Variants in INPP5A observed in about 807,000 individuals in gnomAD.
INPP5A encodes 43 kDa inositol polyphosphate 5-phophatase.
INPP5A carries 14 observed loss-of-function variants against 65.2 expected under a neutral mutation model. That is an observed-to-expected ratio of 0.21 (90% CI 0.14 to 0.34). INPP5A has a LOEUF of 0.34. Among genes scored for constraint, INPP5A ranks in the 10% least tolerant of loss-of-function variants. The pLI is 1.00. For synonymous variants in INPP5A, 207 were observed against 208.3 expected, an observed-to-expected ratio of 0.99 and a Z score of 0.05; for missense variants, 431 against 545.6, an observed-to-expected ratio of 0.79 and a Z score of 2.09.
chr10:132,563,062 GC>G (rs1409903604), intron 1 of INPP5A, among the ~76,000 whole-genome samples: 2 of 152,224 alleles, frequency 1.3e-5, no homozygotes, highest in African/African-American at 4.8e-5. Context: ...GAGGTGCCAT[GC>G]CCCCGCCCAG....
At chr10:132,619,907 C>T (rs1454606364) in intron 2 of INPP5A, among the ~76,000 whole-genome samples, 9 of 152,236 alleles carry the variant, frequency 5.9e-5, no homozygotes, top group Admixed American at 2.0e-4. Context: ...GATTCACCCA[C>T]CTCAGGTGCT....
At chr10:132,722,203 A>G (rs1845897468) in intron 8 of INPP5A, among the ~76,000 whole-genome samples, 2 of 152,242 alleles carry the variant, frequency 1.3e-5, no homozygotes, top group Admixed American at 6.5e-5. Flanking sequence ...ACCAACTTTA[A>G]TAGATTCCCA....
intron 5 of INPP5A, among the ~76,000 whole-genome samples, chr10:132,692,553 T>G (rs1446739623): frequency 6.6e-6 from 1 of 152,182 alleles, no homozygotes; most frequent in Admixed American, 6.5e-5. Context: ...TCCAGGAGAT[T>G]CCTTATAGGC....
Position 132,588,405 on chromosome 10 carries a change from C to T in INPP5A, c.76-19510C>T, listed in dbSNP as rs59900941. The stretch of plus-strand genomic sequence containing the variant: ...GCCTTCCTCCTGCACCGCCTGGACA[C>T]AGTTTGTGCTTCTCATTTGGTGGAA... On this transcript the variant is annotated intron_variant, in intron 1 of 15. Coordinates refer to ENST00000368594, the MANE Select transcript of INPP5A (RefSeq NM_005539.5). Among the ~76,000 whole-genome samples, 283 of 152,368 alleles carry T rather than the reference C, an allele frequency of 1.9e-3. 4 individuals are homozygous for T. The East Asian group carries it at 0.026, about 14-fold the overall frequency.
chr10:132,708,289 T>G lies in INPP5A; in HGVS notation c.475-24T>G, dbSNP rs779617346. The G allele has an allele frequency of 1.4e-5, 23 of 1,613,288 alleles. 2 individuals are homozygous for G. The South Asian group carries it at 2.4e-4, about 17-fold the overall frequency. Reference sequence around the variant, plus strand: ...CTCTTGCTCACTTACTCTGGCTCATTTGTGTGACGTGTTTATTTTTCAGTG... The same window carrying G: ...CTCTTGCTCACTTACTCTGGCTCATGTGTGTGACGTGTTTATTTTTCAGTG... On this transcript the variant is annotated intron_variant, in intron 6 of 15. Coordinates refer to ENST00000368594, the MANE Select transcript of INPP5A (RefSeq NM_005539.5).
At chr10:132,740,302 C>T (rs1025446489) in intron 9 of INPP5A, among the ~76,000 whole-genome samples, 21 of 152,156 alleles carry the variant, frequency 1.4e-4, no homozygotes, top group African/African-American at 4.8e-4. Context: ...TGAACTGTAA[C>T]GGAATTACCC....
chr10:132,769,786 C>A (rs1244176911), intron 12 of INPP5A, among the ~76,000 whole-genome samples: 2 of 148,644 alleles, frequency 1.3e-5, no homozygotes, highest in Non-Finnish European at 3.0e-5. Flanking sequence ...GCCCTGCAGC[C>A]CCCACCCCGT....
At chr10:132,700,068 G>T (rs886279684) in intron 6 of INPP5A, among the ~76,000 whole-genome samples, 4 of 152,176 alleles carry the variant, frequency 2.6e-5, no homozygotes, top group African/African-American at 9.7e-5. Flanking sequence ...ACGAGGGGCC[G>T]CCCCTCCCCC....
intron 1 of INPP5A, among the ~76,000 whole-genome samples, chr10:132,596,848 CGTGT>C (rs869235152): frequency 7.6e-6 from 1 of 132,026 alleles, no homozygotes; most frequent in African/African-American, 2.6e-5. Flanking sequence ...TGTGTGCATG[CGTGT>C]GTGTGCATGT....
chr10:132,568,960 G>A (rs2133281010), intron 1 of INPP5A, among the ~76,000 whole-genome samples: 1 of 140,718 alleles, frequency 7.1e-6, no homozygotes, highest in African/African-American at 2.7e-5. Flanking sequence ...CGGTCACCCA[G>A]GCTGGAGTGC....
chr10:132,746,376 G>T (rs1846371939), intron 9 of INPP5A, among the ~76,000 whole-genome samples: 1 of 152,222 alleles, frequency 6.6e-6, no homozygotes, highest in Non-Finnish European at 1.5e-5. Flanking sequence ...ACAGTTGAGG[G>T]GGTGATGGGA....
intron 1 of INPP5A, among the ~76,000 whole-genome samples, chr10:132,548,663 C>T (rs2071010114): frequency 6.6e-6 from 1 of 152,224 alleles, no homozygotes; most frequent in South Asian, 2.1e-4. Context: ...CCAGTTTCGC[C>T]TGCGCCGAGG....
At chr10:132,629,208 T>G (rs10735667) in intron 2 of INPP5A, among the ~76,000 whole-genome samples, 136,868 of 152,204 alleles carry the variant, frequency 0.9, 61,603 homozygotes, top group East Asian at 1. Context: ...CTACCTGGTG[T>G]TATACAGCAG....
At chr10:132,628,489 G>A (rs2072223996) in intron 2 of INPP5A, among the ~76,000 whole-genome samples, 1 of 151,362 alleles carries the variant, frequency 6.6e-6, no homozygotes, top group African/African-American at 2.4e-5. Context: ...CGTGGCGTGG[G>A]GGACACGTAG....
Position 132,749,583 on chromosome 10 carries a change from A to T in INPP5A, c.799A>T (p.Ile267Leu). 1 of 1,613,000 alleles carries T rather than the reference A, an allele frequency of 6.2e-7. No individual in the cohort carries two copies. The change falls in exon 10 of 16, where the codon ATA becomes TTA. Residue 267 changes from isoleucine (I) to leucine (L), a missense_variant. Physicochemically the swap from Ile to Leu is conservative, Grantham distance 5 (BLOSUM62 2). Transcript: ENST00000368594. ...AADTNEVVKL[I>L]FRESDNDRKV... The stretch of plus-strand genomic sequence containing the variant: ...CGACACCAATGAAGTGGTGAAGCTC[A>T]TATTTCGTGAGTCGGACAACGACCG...
At chr10:132,656,719 C>A (rs1293197753) in intron 4 of INPP5A, among the ~76,000 whole-genome samples, 1 of 152,218 alleles carries the variant, frequency 6.6e-6, no homozygotes, top group African/African-American at 2.4e-5. Context: ...GCAGGGTTGC[C>A]CCGGGCTCCT....
rs2072765196 is a variant in INPP5A, at chr10:132,663,649, C to CG, written c.306+13144_306+13145insG. On this transcript the variant is annotated intron_variant, in intron 4 of 15. Coordinates refer to ENST00000368594, the MANE Select transcript of INPP5A (RefSeq NM_005539.5). This position sits in a 1 kb window ranked among gnomAD's most constrained non-coding sequence, Gnocchi z 4.5. Reference sequence around the variant, plus strand: ...CACTCTGAGCCGGCAGGTGCCACTTCTAGCTTCTGGCTGGGGTTGGTTTGC... The same window carrying CG: ...CACTCTGAGCCGGCAGGTGCCACTTCGTAGCTTCTGGCTGGGGTTGGTTTGC... Among the ~76,000 whole-genome samples the CG allele has an allele frequency of 6.6e-6, 1 of 152,254 alleles. No homozygotes were observed. The highest frequency in any genetic ancestry group is 6.5e-5 in the Admixed American group (1 of 15,286).
intron 3 of INPP5A, among the ~76,000 whole-genome samples, chr10:132,649,993 T>C (rs2072551737): frequency 6.6e-6 from 1 of 152,184 alleles, no homozygotes; most frequent in Non-Finnish European, 1.5e-5. Flanking sequence ...CAGAACTACC[T>C]GGGCCCTGGG....
chr10:132,767,836 CCG>C (rs1459926475), intron 12 of INPP5A, among the ~76,000 whole-genome samples: 2 of 150,610 alleles, frequency 1.3e-5, no homozygotes, highest in African/African-American at 2.4e-5. Flanking sequence ...CCAGAAAGAT[CCG>C]TGGACCCCAA....
Sources: gnomAD v4.1 joint callset for allele counts (sites outside exome capture counted in the v4.1 genomes callset) on GRCh38, gnomAD v4.1.1 for gene constraint, Gnocchi (gnomAD v3.1) non-coding constraint, MANE v1.5 for transcripts, NCBI Gene and HGNC (gene_info 2026-07-23, HGNC 2026-07-21) for gene names.